Variants in HACD4 observed in about 807,000 individuals in gnomAD.
HACD4 encodes the protein very-long-chain (3R)-3-hydroxyacyl-CoA dehydratase 4.
Under a neutral mutation model 33.3 loss-of-function variants are expected in HACD4, and 35 were observed. The observed-to-expected ratio is 1.05, with a 90% CI of 0.80 to 1.39. HACD4 has a LOEUF of 1.39. Among genes scored for constraint, HACD4 ranks in the 40% most tolerant of loss-of-function variants. HACD4 has a pLI of 0.00. For missense variants in HACD4, 323 were observed against 276.5 expected, an observed-to-expected ratio of 1.17 and a Z score of -1.19; for synonymous variants, 118 against 98.0, an observed-to-expected ratio of 1.20 and a Z score of -1.21.
At chr9:21,019,895 G>C (rs1817861683) in intron 3 of HACD4, among the ~76,000 whole-genome samples, 1 of 152,022 alleles carries the variant, frequency 6.6e-6, no homozygotes, top group South Asian at 2.1e-4. Flanking sequence ...ATGCAAATAA[G>C]CACCTGCTTC....
In HACD4 at chr9:21,026,840, G is replaced by T. The variant is rs1360898237; in HGVS notation, c.143-117C>A. The T allele has an allele frequency of 4.9e-6, 4 of 818,408 alleles. No homozygotes were observed. The East Asian group carries it at 1.0e-4, about 21-fold the overall frequency. 50.7% of individuals were successfully genotyped at this position (818,408 alleles called of 1,614,324 possible). ...ATTCACTTCCTTTTTCATTGTACAT[G>T]TGAAAAATTCCTTAAGTAGGCTACT... is the stretch of plus-strand genomic sequence containing the variant. On this transcript the variant is annotated intron_variant, in intron 2 of 6. Transcript: ENST00000495827.
chr9:21,029,915 G>A (rs1281590183), intron 1 of HACD4, among the ~76,000 whole-genome samples: 1 of 152,118 alleles, frequency 6.6e-6, no homozygotes, highest in Admixed American at 6.5e-5. Context: ...CTAGCCTGGG[G>A]AAAGATTAAA....
Position 21,006,994 on chromosome 9 carries a change from T to C in HACD4, c.*43A>G. On this transcript the variant is annotated 3_prime_UTR_variant, in exon 7 of 7. Coordinates refer to ENST00000495827, the MANE Select transcript of HACD4 (RefSeq NM_001010915.5). This position sits in a 1 kb window ranked among gnomAD's most constrained non-coding sequence, Gnocchi z 4.6. ...CCTGTGTTTTATTTACTGCACTGAA[T>C]CCACAGCCTGTCTTTTCTCGTGTCA... 1 of 1,086,062 alleles carries C rather than the reference T, an allele frequency of 9.2e-7. No individual in the cohort carries two copies. The highest frequency in any genetic ancestry group is 1.4e-6 in the Non-Finnish European group (1 of 698,612). 67.3% of individuals were successfully genotyped at this position (1,086,062 alleles called of 1,614,324 possible).
chr9:21,029,273 A>G, intron 2 of HACD4, 22 bp downstream of exon 2: 2 of 1,372,814 alleles, frequency 1.5e-6, no homozygotes, highest in Non-Finnish European at 2.1e-6. Flanking sequence ...TTAAAAATAA[A>G]AAAACTGTTT....
At chr9:21,010,180 A>T in intron 5 of HACD4, among the ~76,000 whole-genome samples, 1 of 152,118 alleles carries the variant, frequency 6.6e-6, no homozygotes, top group East Asian at 1.9e-4. Flanking sequence ...ATGCTTTCTT[A>T]TTTTATGTCT....
chr9:21,008,128 G>A lies in HACD4; in HGVS notation c.509C>T (p.Ser170Leu), dbSNP rs201732421. ...GCCAAATGATTCAAAATAAGGCAGC[G>A]ATTGATAGATGGCAAATGCTGTTAA... is the stretch of plus-strand genomic sequence containing the variant. ...VLAEAFAIYQ[S>L]LPYFESFGTY... Residue 170 changes from serine (S) to leucine (L), a missense_variant, in exon 6 of 7, where the codon TCG becomes TTG. Physicochemically the swap from Ser to Leu is moderately radical, Grantham distance 145. Transcript: ENST00000495827. The A allele has an allele frequency of 1.4e-4, 232 of 1,605,600 alleles. No homozygotes were observed. Among genetic ancestry groups the A allele is most frequent in the Non-Finnish European group, 1.9e-4 (220 of 1,176,728 alleles).
At position 21,009,796 on chromosome 9, in the gene HACD4, A is replaced by C. The variant is rs888311204; in HGVS notation, c.491-1650T>G. On this transcript the variant is annotated intron_variant, in intron 5 of 6. Coordinates refer to ENST00000495827, the MANE Select transcript of HACD4 (RefSeq NM_001010915.5). ...ACAAACTTTGTACCCTTTGACCAAC[A>C]GCTCCCAATTTCCTTTCTATATTCT... Among the ~76,000 whole-genome samples, 9 of 152,264 alleles carry C rather than the reference A, an allele frequency of 5.9e-5. 1 individual carries two copies. In the South Asian group the frequency reaches 1.9e-3, roughly 32 times the overall value.
intron 5 of HACD4, among the ~76,000 whole-genome samples, chr9:21,010,837 G>C (rs1842404642): frequency 6.6e-6 from 1 of 152,022 alleles, no homozygotes; most frequent in Non-Finnish European, 1.5e-5. Flanking sequence ...CTCATAAGGA[G>C]CACACAACCT....
At chr9:21,009,219 A>G (rs1842349862) in intron 5 of HACD4, among the ~76,000 whole-genome samples, 1 of 152,188 alleles carries the variant, frequency 6.6e-6, no homozygotes, top group African/African-American at 2.4e-5. Flanking sequence ...GACATCTAAC[A>G]TATACAGAAA....
chr9:21,003,051 T>C lies in HACD4; in HGVS notation c.*3986A>G, dbSNP rs1842191681. 3 of 152,146 alleles carry C rather than the reference T, an allele frequency of 2.0e-5. No individual in the cohort carries two copies. Among genetic ancestry groups the C allele is most frequent in the Admixed American group, 1.3e-4 (2 of 15,280 alleles). 9.4% of individuals were successfully genotyped at this position (152,146 alleles called of 1,614,324 possible). A position where few individuals can be genotyped will look rare whatever the true frequency, so the allele number is the denominator to read the frequency against. On this transcript the variant is annotated 3_prime_UTR_variant, in exon 7 of 7. Transcript: ENST00000495827. ...TAATGAAATTTAGTATTCCTTTCCA[T>C]TGTGAATACAGGCAACCAACCACAG... is the stretch of plus-strand genomic sequence containing the variant.
intron 2 of HACD4, among the ~76,000 whole-genome samples, chr9:21,027,168 G>T (rs1818084071): frequency 6.6e-6 from 1 of 152,168 alleles, no homozygotes; most frequent in Non-Finnish European, 1.5e-5. Context: ...AAACTTTATG[G>T]AAATGACACT....
At chr9:21,029,538 C>T in intron 1 of HACD4, 140 bp from the exon 2 acceptor site, 1 of 494,206 alleles carries the variant, frequency 2.0e-6, no homozygotes, top group Non-Finnish European at 3.6e-6. Flanking sequence ...TGGTTACCCC[C>T]AAGTACATAT....
intron 2 of HACD4, 171 bp from the exon 3 acceptor site, chr9:21,026,894 C>G (rs4977908): frequency 0.96 from 537,790 of 560,674 alleles, 258,463 homozygotes; most frequent in East Asian, 1. Flanking sequence ...TGCAAACAAA[C>G]AAAGCACTTC....
chr9:21,029,974 C>T (rs541085266), intron 1 of HACD4, among the ~76,000 whole-genome samples: 1 of 152,230 alleles, frequency 6.6e-6, no homozygotes, highest in East Asian at 1.9e-4. Flanking sequence ...CATTTTCACA[C>T]CATCACAAAG....
chr9:21,020,477 A>G (rs1466263949), intron 3 of HACD4, among the ~76,000 whole-genome samples: 1 of 152,190 alleles, frequency 6.6e-6, no homozygotes, highest in Non-Finnish European at 1.5e-5. Context: ...AAACTGAACA[A>G]AGCCCCTTAA....
intron 5 of HACD4, among the ~76,000 whole-genome samples, chr9:21,010,750 T>C (rs1842399992): frequency 6.6e-6 from 1 of 152,160 alleles, no homozygotes; most frequent in South Asian, 2.1e-4. Flanking sequence ...GTGGGAGCCC[T>C]GAGCTTATTT....
At chr9:21,021,792 T>A (rs569201114) in intron 3 of HACD4, among the ~76,000 whole-genome samples, 2 of 152,008 alleles carry the variant, frequency 1.3e-5, no homozygotes, top group African/African-American at 2.4e-5. Context: ...ATCGTGAAAA[T>A]GGCCATACTG....
At chr9:21,018,103 TAAC>T (rs1177464311) in intron 3 of HACD4, among the ~76,000 whole-genome samples, 2 of 152,178 alleles carry the variant, frequency 1.3e-5, no homozygotes, top group East Asian at 3.8e-4. Context: ...TCTAATTCGT[TAAC>T]AAATCATCTG....
intron 3 of HACD4, among the ~76,000 whole-genome samples, chr9:21,026,207 G>T (rs1818056559): frequency 6.6e-6 from 1 of 152,208 alleles, no homozygotes; most frequent in Non-Finnish European, 1.5e-5. Flanking sequence ...CCCAATGGTT[G>T]TTCCCATAGT....
Sources: allele counts gnomAD v4.1 joint callset (sites outside exome capture counted in the v4.1 genomes callset), GRCh38; gene constraint gnomAD v4.1.1; non-coding constraint Gnocchi (gnomAD v3.1); transcripts MANE v1.5; gene names NCBI Gene and HGNC (gene_info 2026-07-23, HGNC 2026-07-21).